Variants in TENM1 observed in about 807,000 individuals in gnomAD.
The protein encoded by TENM1 is teneurin-1.
Under a neutral mutation model 174.8 loss-of-function variants are expected in TENM1, and 35 were observed. The ratio of observed to expected loss-of-function variants is 0.20; its 90% CI spans 0.15 to 0.27. TENM1 has a LOEUF of 0.27. Ranked by LOEUF, TENM1 falls within the 10% of genes least tolerant of loss-of-function variation. The pLI is 1.00. For synonymous variants in TENM1, 781 were observed against 798.7 expected (o/e 0.98, Z 0.37); for missense variants, 1,633 against 2,130.1 (o/e 0.77, Z 4.59).
intron 3 of TENM1, among the ~76,000 whole-genome samples, chrX:124,838,752 T>C (rs143316826): frequency 0.036 from 4,040 of 110,834 alleles, 94 homozygotes; most frequent in African/African-American, 0.08. Context: ...AAAAAAGTGT[T>C]CTCTCTCTGT....
chrX:124,534,015 T>C (rs991979784), intron 15 of TENM1, among the ~76,000 whole-genome samples: 2 of 112,017 alleles, frequency 1.8e-5, no homozygotes, highest in African/African-American at 3.2e-5. Flanking sequence ...AATGTGACTC[T>C]AGAAACATGC....
chrX:124,414,357 G>A (rs956307003), intron 25 of TENM1, among the ~76,000 whole-genome samples: 1 of 111,573 alleles, frequency 9.0e-6, no homozygotes, highest in Middle Eastern at 4.6e-3. Flanking sequence ...CCTTTGCCAG[G>A]GAAACAAGCA....
intron 27 of TENM1, among the ~76,000 whole-genome samples, chrX:124,404,113 T>C (rs1378684882): frequency 1.8e-5 from 2 of 111,344 alleles, no homozygotes; most frequent in African/African-American, 6.5e-5. Flanking sequence ...AAAAAGAAAA[T>C]TTTATATTCG....
At chrX:124,550,883 C>T (rs192131190) in intron 14 of TENM1, among the ~76,000 whole-genome samples, 1 of 110,719 alleles carries the variant, frequency 9.0e-6, no homozygotes, top group Non-Finnish European at 1.9e-5. Flanking sequence ...CTCAGCCTCC[C>T]GAGTACCTGG....
chrX:125,016,409 T>C, the TENM1 span, among the ~76,000 whole-genome samples: 2 of 111,281 alleles, frequency 1.8e-5, no homozygotes, highest in Non-Finnish European at 3.8e-5. Flanking sequence ...AGCATTCCTG[T>C]ATGCCAATAA....
At chrX:124,594,606 C>A (rs771016566) in intron 11 of TENM1, among the ~76,000 whole-genome samples, 2 of 111,782 alleles carry the variant, frequency 1.8e-5, no homozygotes, top group African/African-American at 6.5e-5. Flanking sequence ...CAAAAAGTAA[C>A]ATGAGATGAT....
the TENM1 span, among the ~76,000 whole-genome samples, chrX:125,046,673 G>A: frequency 0.032 from 3,555 of 111,842 alleles, 141 homozygotes; most frequent in African/African-American, 0.11. Context: ...CAACTCAAGG[G>A]ACATGTCCTG....
intron 3 of TENM1, among the ~76,000 whole-genome samples, chrX:124,861,257 T>A (rs2056906847): frequency 8.9e-6 from 1 of 111,976 alleles, no homozygotes; most frequent in Admixed American, 9.5e-5. Flanking sequence ...TTTTTGGTTG[T>A]TTTTGTTTTG....
chrX:124,947,138 C>A (rs2058415057), intron 1 of TENM1, among the ~76,000 whole-genome samples: 1 of 111,384 alleles, frequency 9.0e-6, no homozygotes, highest in African/African-American at 3.3e-5. Context: ...GAACACTGTC[C>A]CTTGGCCATG....
chrX:124,664,754 G>A (rs946452314), intron 6 of TENM1, among the ~76,000 whole-genome samples: 2 of 104,141 alleles, frequency 1.9e-5, no homozygotes, highest in Middle Eastern at 4.9e-3. Flanking sequence ...GAGAATGCTC[G>A]CTGAAAGGAG....
At chrX:124,768,484 C>T (rs2054581157) in intron 3 of TENM1, among the ~76,000 whole-genome samples, 2 of 111,649 alleles carry the variant, frequency 1.8e-5, no homozygotes, top group Non-Finnish European at 3.8e-5. Context: ...AAGTGTTTAG[C>T]AAATGTTTAC....
chrX:125,040,395 A>C, the TENM1 span, among the ~76,000 whole-genome samples: 1 of 111,482 alleles, frequency 9.0e-6, no homozygotes, highest in Non-Finnish European at 1.9e-5. Context: ...CTGAAGGAAA[A>C]GCTGTAGAAA....
chrX:124,461,616 G>A (rs921713755), intron 22 of TENM1, among the ~76,000 whole-genome samples: 1 of 111,628 alleles, frequency 9.0e-6, no homozygotes, highest in African/African-American at 3.3e-5. Context: ...TGGAACTAGA[G>A]GTTATTATGT....
chrX:125,173,889 C>T, the TENM1 span, among the ~76,000 whole-genome samples: 4 of 110,917 alleles, frequency 3.6e-5, no homozygotes, highest in African/African-American at 6.5e-5. Flanking sequence ...CTTTAGAGGG[C>T]GAATAATGAG....
At chrX:125,189,202 A>C in the TENM1 span, among the ~76,000 whole-genome samples, 1 of 111,939 alleles carries the variant, frequency 8.9e-6, no homozygotes, top group Non-Finnish European at 1.9e-5. Context: ...AGAGAAGGCC[A>C]GTTAATACAT....
intron 11 of TENM1, among the ~76,000 whole-genome samples, chrX:124,607,377 C>T (rs2050184626): frequency 9.1e-6 from 1 of 110,493 alleles, no homozygotes; most frequent in Admixed American, 9.7e-5. Context: ...TCAGGGAAAG[C>T]CTCTCTAATA....
chrX:124,497,282 C>G lies in TENM1; in HGVS notation c.3446-17G>C. On this transcript the variant is annotated splice_polypyrimidine_tract_variant and intron_variant, in intron 19 of 31. Transcript: ENST00000422452. Reference sequence around the variant, plus strand: ...GTATGATTCCTAGATTCAAGGAAAACAAAAAGAGAATTTAAGAAAAGCAAT... The same window carrying G: ...GTATGATTCCTAGATTCAAGGAAAAGAAAAAGAGAATTTAAGAAAAGCAAT... The G allele has an allele frequency of 8.5e-7, 1 of 1,181,693 alleles. No individual in the cohort carries two copies. The highest frequency in any genetic ancestry group is 1.1e-6 in the Non-Finnish European group (1 of 876,984).
chrX:124,692,494 T>G (rs1402107810), intron 5 of TENM1, among the ~76,000 whole-genome samples: 1 of 110,107 alleles, frequency 9.1e-6, no homozygotes, highest in Non-Finnish European at 1.9e-5. Flanking sequence ...ATCTTACTGA[T>G]TTTGCTTTCT....
intron 23 of TENM1, among the ~76,000 whole-genome samples, chrX:124,429,634 G>A (rs1187941826): frequency 1.8e-5 from 2 of 111,614 alleles, no homozygotes; most frequent in Admixed American, 9.5e-5. Context: ...GAAATCATAT[G>A]AGAGTGAAGG....
Sources: allele counts gnomAD v4.1 joint callset (sites outside exome capture counted in the v4.1 genomes callset), GRCh38; gene constraint gnomAD v4.1.1; transcripts MANE v1.5; gene names NCBI Gene and HGNC (gene_info 2026-07-23, HGNC 2026-07-21).